TET2: variants seen among roughly 807,000 people sequenced by gnomAD.
TET2 encodes tet methylcytosine dioxygenase 2.
A neutral mutation model predicts 142.9 loss-of-function variants in TET2; 299 were observed. That is an observed-to-expected ratio of 2.09 (90% CI 1.90 to 2.30). TET2 has a LOEUF of 2.30. TET2 is among the 30% of genes most tolerant of loss of function. TET2 has a pLI of 0.00. For missense variants in TET2, 2,418 were observed against 2,378.0 expected (o/e 1.02, Z -0.35); for synonymous variants, 819 against 849.0 (o/e 0.96, Z 0.61).
intron 2 of TET2, among the ~76,000 whole-genome samples, chr4:105,214,617 T>C (rs1727378931): frequency 6.6e-6 from 1 of 151,562 alleles, no homozygotes; most frequent in African/African-American, 2.4e-5. Flanking sequence ...CCCACCCTTC[T>C]GATTTTGAGT....
rs1729430157 is a variant in TET2 at position 105,243,703 on chromosome 4, AACTCT to A, written c.3733_3737del (p.Tyr1245GlyfsTer21). On this transcript the variant is annotated frameshift_variant, in exon 6 of 11. Coordinates refer to ENST00000380013, the MANE Select transcript of TET2 (RefSeq NM_001127208.3). LOFTEE classifies it high-confidence loss of function. The stretch of plus-strand genomic sequence containing the variant: ...GGAATCCCGCTGTCTCTGGCTGACA[AACTCT>A]ACTCGGAGCTTACCGAGACGCTGAG... 1.3e-6 allele frequency: 2 copies of A among 1,551,498 alleles called. No individual in the cohort carries two copies. The highest frequency in any genetic ancestry group is 1.4e-5 in the African/African-American group (1 of 73,106).
At chr4:105,146,495 C>T (rs1448433239), upstream of TET2, 1 of 152,450 alleles carries the variant, frequency 6.6e-6, no homozygotes, top group Non-Finnish European at 1.5e-5. Context: ...CAGCCCAGGT[C>T]TCCACTGCGC....
At chr4:105,221,304 G>A (rs548680080) in intron 2 of TET2, among the ~76,000 whole-genome samples, 3 of 152,072 alleles carry the variant, frequency 2.0e-5, no homozygotes, top group Non-Finnish European at 4.4e-5. Context: ...GAAACTGGTT[G>A]GTTAACTTGG....
chr4:105,235,669 A>T lies in TET2; in HGVS notation c.1727A>T (p.Glu576Val). 3.7e-6 allele frequency: 6 copies of T among 1,614,178 alleles called. No homozygotes were observed. Among genetic ancestry groups the T allele is most frequent in the Non-Finnish European group, 5.1e-6 (6 of 1,180,014 alleles). ...ELKAPRFHQA[E>V]SHLKRNEASL... ...AAGGCCCCTCGTTTTCACCAAGCGG[A>T]ATCCCATCTAAAACGTAATGAGGCA... Residue 576 changes from glutamate (E) to valine (V), a missense_variant, in exon 3 of 11, where the codon GAA becomes GTA. By Grantham distance (121) the Glu-to-Val change is moderately radical. Coordinates refer to ENST00000380013, the MANE Select transcript of TET2 (RefSeq NM_001127208.3).
Position 105,269,691 on chromosome 4 carries a change from G to T in TET2, c.4126G>T (p.Asp1376Tyr), listed in dbSNP as rs1256768074. ...ATTCTCAGGGGTCACTGCATGTTTG[G>T]ACTTCTGTGCTCATGCCCACAGAGA... ...RPFSGVTACLDFCAHAHRDLH... is the reference protein window; with the variant it reads ...RPFSGVTACLYFCAHAHRDLH... The change falls in exon 9 of 11, where the codon GAC becomes TAC. Residue 1376 changes from aspartate (D) to tyrosine (Y), a missense_variant. By Grantham distance (160) the Asp-to-Tyr change is radical (BLOSUM62 -3). Transcript: ENST00000380013. 3 of 1,551,518 alleles carry T rather than the reference G, an allele frequency of 1.9e-6. No homozygotes were observed. Among genetic ancestry groups the T allele is most frequent in the East Asian group, 2.4e-5 (1 of 40,926 alleles).
At position 105,237,336 on chromosome 4, in the gene TET2, T is replaced by C. The variant is rs1393332073; in HGVS notation, c.3394T>C (p.Ser1132Pro). The change falls in exon 3 of 11, where the codon TCT becomes CCT. Residue 1132 changes from serine (S) to proline (P), a missense_variant. Coordinates refer to ENST00000380013, the MANE Select transcript of TET2 (RefSeq NM_001127208.3). Reference sequence around the variant, plus strand: ...TGTCAAGACTCAATATGATTTCCCATCTTGCAGATGTGTAGGTAAGTGCCA... The same window carrying C: ...TGTCAAGACTCAATATGATTTCCCACCTTGCAGATGTGTAGGTAAGTGCCA... Reference protein sequence around the residue: ...TPVKTQYDFPSCRCVEQIIEK... With the variant: ...TPVKTQYDFPPCRCVEQIIEK... The C allele has an allele frequency of 6.2e-7, 1 of 1,614,160 alleles. No homozygotes were observed. The highest frequency in any genetic ancestry group is 1.1e-5 in the South Asian group (1 of 91,084).
intron 1 of TET2, among the ~76,000 whole-genome samples, chr4:105,149,116 G>T (rs149058103): frequency 6.6e-6 from 1 of 152,122 alleles, no homozygotes; most frequent in East Asian, 1.9e-4. Flanking sequence ...AGAAAACTAT[G>T]GTTAATTATT....
chr4:105,152,789 G>T (rs924127041), intron 1 of TET2, among the ~76,000 whole-genome samples: 2 of 151,772 alleles, frequency 1.3e-5, no homozygotes, highest in East Asian at 3.9e-4. Flanking sequence ...TAGAGACAGG[G>T]TTTCACCATG....
chr4:105,197,003 A>G (rs947259677), intron 2 of TET2, among the ~76,000 whole-genome samples: 1 of 152,158 alleles, frequency 6.6e-6, no homozygotes, highest in African/African-American at 2.4e-5. Flanking sequence ...GTGGGAGTCG[A>G]GTAGTTGGAA....
intron 3 of TET2, chr4:105,237,767 CA>C: frequency 8.6e-7 from 1 of 1,156,202 alleles, no homozygotes; most frequent in South Asian, 2.7e-5. Flanking sequence ...TTTTTTAATT[CA>C]AGGTAAAATA....
At chr4:105,186,763 C>T (rs984538865) in intron 1 of TET2, among the ~76,000 whole-genome samples, 15 of 152,080 alleles carry the variant, frequency 9.9e-5, no homozygotes, top group African/African-American at 2.7e-4. Flanking sequence ...TGAGCCACCG[C>T]GGCCTGGCTT....
At chr4:105,187,744 A>G (rs1725540924) in intron 1 of TET2, among the ~76,000 whole-genome samples, 1 of 152,230 alleles carries the variant, frequency 6.6e-6, no homozygotes, top group African/African-American at 2.4e-5. Context: ...ACTATTGCTT[A>G]TACTTGAGTA....
At chr4:105,260,231 T>C (rs757986022) in intron 7 of TET2, among the ~76,000 whole-genome samples, 1 of 149,632 alleles carries the variant, frequency 6.7e-6, no homozygotes, top group Non-Finnish European at 1.5e-5. Context: ...GATTTTAATA[T>C]AACTCTGTAA....
intron 1 of TET2, among the ~76,000 whole-genome samples, chr4:105,151,985 G>C (rs537470918): frequency 6.6e-6 from 1 of 152,202 alleles, no homozygotes; most frequent in Admixed American, 6.5e-5. Flanking sequence ...TGAGGCCCGA[G>C]AATCACTTGA....
intron 8 of TET2, among the ~76,000 whole-genome samples, chr4:105,267,554 A>AGT: frequency 6.6e-6 from 1 of 151,082 alleles, no homozygotes. Context: ...AAAAAAAAAA[A>AGT]AGTATATAGC....
At position 105,234,829 on chromosome 4, in the gene TET2, GTGATGCTGA is replaced by G. The variant is rs1578671251; in HGVS notation, c.898_906del (p.Asp300_Asp302del). On this transcript the variant is annotated inframe_deletion, in exon 3 of 11. Transcript: ENST00000380013. ...CCAGCTGCAGTGGTGAGTGAGGCCT[GTGATGCTGA>G]TGATGCTGATAATGCCAGTAAACTA... is the stretch of plus-strand genomic sequence containing the variant. 2 of 1,613,892 alleles carry G rather than the reference GTGATGCTGA, an allele frequency of 1.2e-6. No homozygotes were observed. The highest frequency in any genetic ancestry group is 2.7e-5 in the African/African-American group (2 of 74,940).
intron 2 of TET2, among the ~76,000 whole-genome samples, chr4:105,212,127 T>C (rs1432282465): frequency 2.0e-5 from 3 of 152,230 alleles, no homozygotes; most frequent in Non-Finnish European, 2.9e-5. Context: ...ACTCTTCCCA[T>C]GTCAGCACTT....
chr4:105,214,058 C>T (rs147698421), intron 2 of TET2, among the ~76,000 whole-genome samples: 273 of 152,180 alleles, frequency 1.8e-3, no homozygotes, highest in African/African-American at 5.8e-3. Context: ...ACCATGTTGG[C>T]CAGGCTGGTC....
chr4:105,192,074 G>A (rs1053676778), intron 2 of TET2, among the ~76,000 whole-genome samples: 4 of 152,046 alleles, frequency 2.6e-5, no homozygotes, highest in Admixed American at 6.6e-5. Flanking sequence ...AGAACTGAGA[G>A]CGCATTTTTA....
Sources: gnomAD v4.1 joint callset for allele counts (sites outside exome capture counted in the v4.1 genomes callset) on GRCh38, gnomAD v4.1.1 for gene constraint, MANE v1.5 for transcripts, NCBI Gene and HGNC (gene_info 2026-07-23, HGNC 2026-07-21) for gene names.